AFF1: variants seen among roughly 807,000 people sequenced by gnomAD.
The protein encoded by AFF1 is ALF transcription elongation factor 1, also known as AF4/FMR2 family member 1.
A neutral mutation model predicts 121.7 loss-of-function variants in AFF1; 48 were observed. The observed-to-expected ratio is 0.39, with a 90% CI of 0.31 to 0.50. AFF1 has a LOEUF of 0.50. Ranked by LOEUF, AFF1 falls within the 20% of genes least tolerant of loss-of-function variation. The probability of loss-of-function intolerance (pLI) is 0.76; values close to 1 mark genes in which losing one functional copy is unlikely to be tolerated. For synonymous variants in AFF1, 613 were observed against 563.0 expected (o/e 1.09, Z -1.26); for missense variants, 1,523 against 1,511.7 (o/e 1.01, Z -0.12).
chr4:87,086,611 T>C (rs1723760402), intron 5 of AFF1, among the ~76,000 whole-genome samples: 1 of 152,188 alleles, frequency 6.6e-6, no homozygotes, highest in African/African-American at 2.4e-5. Flanking sequence ...TTCTCTTCTG[T>C]CTGTGACCTC....
chr4:86,988,318 C>A (rs745720463), intron 2 of AFF1, among the ~76,000 whole-genome samples: 3 of 152,168 alleles, frequency 2.0e-5, no homozygotes, highest in African/African-American at 7.2e-5. Flanking sequence ...ACCAACCTCT[C>A]TCCATACCCC....
chr4:87,091,424 A>T (rs1231989182), intron 6 of AFF1, among the ~76,000 whole-genome samples: 3 of 152,244 alleles, frequency 2.0e-5, no homozygotes, highest in Non-Finnish European at 2.9e-5. Flanking sequence ...AACAAAACAA[A>T]AAAAACAGTG....
At chr4:87,068,017 A>G (rs2149669542) in intron 4 of AFF1, among the ~76,000 whole-genome samples, 1 of 152,308 alleles carries the variant, frequency 6.6e-6, no homozygotes, top group East Asian at 1.9e-4. Flanking sequence ...ACATGTTATG[A>G]GCTACTTTAA....
intron 2 of AFF1, among the ~76,000 whole-genome samples, chr4:86,967,557 G>A (rs1194467312): frequency 1.3e-5 from 2 of 152,132 alleles, no homozygotes; most frequent in African/African-American, 4.8e-5. Flanking sequence ...ACATGGGCAG[G>A]AGCAGAAGCA....
At chr4:87,072,792 A>G (rs1464553612) in intron 4 of AFF1, among the ~76,000 whole-genome samples, 2 of 152,196 alleles carry the variant, frequency 1.3e-5, no homozygotes, top group Admixed American at 1.3e-4. Context: ...TCGGTCTTCC[A>G]AGGTGCTGGG....
intron 12 of AFF1, among the ~76,000 whole-genome samples, chr4:87,124,423 T>G (rs13103979): frequency 6.6e-6 from 1 of 152,110 alleles, no homozygotes; most frequent in Non-Finnish European, 1.5e-5. Flanking sequence ...GGGGAAAAAA[T>G]GTTAGCTAGA....
At chr4:87,050,811 A>G (rs1454112259) in intron 4 of AFF1, among the ~76,000 whole-genome samples, 1 of 152,252 alleles carries the variant, frequency 6.6e-6, no homozygotes, top group Non-Finnish European at 1.5e-5. Flanking sequence ...GTCCAGCTGC[A>G]GAGTTGCCAC....
chr4:86,945,497 A>ATTTTTT (rs34305215), intron 1 of AFF1, among the ~76,000 whole-genome samples: 28 of 86,628 alleles, frequency 3.2e-4, no homozygotes, highest in African/African-American at 1.4e-3. Context: ...GCCTTTCCCA[A>ATTTTTT]TTTTTTTTTT....
At chr4:87,055,048 G>A (rs1719966314) in intron 4 of AFF1, among the ~76,000 whole-genome samples, 1 of 152,130 alleles carries the variant, frequency 6.6e-6, no homozygotes, top group African/African-American at 2.4e-5. Flanking sequence ...CACGATCACA[G>A]CTCACTTCAG....
intron 2 of AFF1, among the ~76,000 whole-genome samples, chr4:86,962,408 A>G (rs1358341484): frequency 6.6e-6 from 1 of 152,184 alleles, no homozygotes; most frequent in Non-Finnish European, 1.5e-5. Flanking sequence ...AATAATGACT[A>G]AATATATACA....
In AFF1 at chr4:87,046,587, C is replaced by T. The variant is rs948117124; in HGVS notation, c.160-108C>T. On this transcript the variant is annotated intron_variant, in intron 3 of 20. Coordinates refer to ENST00000395146, the MANE Select transcript of AFF1 (RefSeq NM_001166693.3). Reference sequence around the variant, plus strand: ...AAATGGCACATTAAATTCTACATGTCGTACATTAAGTTCGGAGTTTTTTCC... The same window carrying T: ...AAATGGCACATTAAATTCTACATGTTGTACATTAAGTTCGGAGTTTTTTCC... 12 of 1,195,536 alleles carry T rather than the reference C, an allele frequency of 1.0e-5. No homozygotes were observed. The African/African-American group carries it at 1.4e-4, about 14-fold the overall frequency. The allele number at this position is 1,195,536 out of a possible 1,614,324, so 74.1% of individuals were successfully genotyped here.
chr4:87,050,223 G>A (rs756697029), intron 4 of AFF1, among the ~76,000 whole-genome samples: 45 of 142,922 alleles, frequency 3.1e-4, no homozygotes, highest in African/African-American at 1.1e-3. Context: ...TCTTGGTAGA[G>A]CTGGGAGAAG....
chr4:87,059,957 G>C (rs1024680313), intron 4 of AFF1, among the ~76,000 whole-genome samples: 2 of 152,178 alleles, frequency 1.3e-5, no homozygotes, highest in African/African-American at 4.8e-5. Context: ...CTCAGCTTGA[G>C]GATTTCTTAC....
intron 1 of AFF1, among the ~76,000 whole-genome samples, chr4:86,942,800 C>T (rs1469279962): frequency 1.3e-5 from 2 of 152,140 alleles, no homozygotes; most frequent in African/African-American, 4.8e-5. Flanking sequence ...CCATGGCAAG[C>T]ATGAAGACAA....
At chr4:87,130,101 A>T (rs1021282597) in intron 16 of AFF1, among the ~76,000 whole-genome samples, 1 of 150,558 alleles carries the variant, frequency 6.6e-6, no homozygotes, top group African/African-American at 2.5e-5. Flanking sequence ...CAGCCTCCCA[A>T]GTAGCTGGGA....
Position 87,138,906 on chromosome 4 carries a change from T to G in AFF1, c.*3205T>G, listed in dbSNP as rs1200039053. The G allele has an allele frequency of 4.4e-6, 1 of 228,212 alleles. No homozygotes were observed. Among genetic ancestry groups the G allele is most frequent in the Non-Finnish European group, 8.7e-6 (1 of 114,924 alleles). The allele number at this position is 228,212 out of a possible 1,614,324, so 14.1% of individuals were successfully genotyped here. ...GATTGGACCGCACTTATCTCCCTTGTCCTGTATCCTTTAATTTCAGGTCTC... is the reference window on the plus strand; with the variant it reads ...GATTGGACCGCACTTATCTCCCTTGGCCTGTATCCTTTAATTTCAGGTCTC... On this transcript the variant is annotated 3_prime_UTR_variant, in exon 21 of 21. Coordinates refer to ENST00000395146, the MANE Select transcript of AFF1 (RefSeq NM_001166693.3).
Position 87,032,802 on chromosome 4 carries a change from T to C in AFF1, c.39-13364T>C, listed in dbSNP as rs149443595. On this transcript the variant is annotated intron_variant, in intron 2 of 20. Transcript: ENST00000395146. ...AGGAGCCCTACAATTTTTTTTTGGT[T>C]TATTCAGTAATTGAAAAATGTGTTG... Among the ~76,000 whole-genome samples the C allele has an allele frequency of 2.9e-3, 442 of 152,278 alleles. 11 individuals carry two copies. The East Asian group carries it at 0.05, about 17-fold the overall frequency.
intron 12 of AFF1, among the ~76,000 whole-genome samples, chr4:87,120,039 A>T (rs1430797183): frequency 6.6e-6 from 1 of 152,204 alleles, no homozygotes; most frequent in Non-Finnish European, 1.5e-5. Flanking sequence ...GGCCACTTAC[A>T]TCTAAATTTC....
chr4:86,936,732 A>T (rs1242724783), intron 1 of AFF1, among the ~76,000 whole-genome samples: 1 of 152,160 alleles, frequency 6.6e-6, no homozygotes, highest in Non-Finnish European at 1.5e-5. Context: ...AGAATGGAAA[A>T]TTCTGGATGG....
Sources: allele counts gnomAD v4.1 joint callset (sites outside exome capture counted in the v4.1 genomes callset), GRCh38; gene constraint gnomAD v4.1.1; transcripts MANE v1.5; gene names NCBI Gene and HGNC (gene_info 2026-07-23, HGNC 2026-07-21).